SPOCK1: variants seen among roughly 807,000 people sequenced by gnomAD.
The protein encoded by SPOCK1 is testican-1.
SPOCK1 carries 23 observed loss-of-function variants against 55.3 expected under a neutral mutation model. The observed-to-expected ratio is 0.42, with a 90% confidence interval of 0.30 to 0.59. The LOEUF is 0.59. Among genes scored for constraint, SPOCK1 ranks in the 20% least tolerant of loss-of-function variants. SPOCK1 has a pLI of 0.22. For missense variants in SPOCK1, 499 were observed against 552.5 expected, an observed-to-expected ratio of 0.90 and a Z score of 0.97; for synonymous variants, 226 against 221.0, an observed-to-expected ratio of 1.02 and a Z score of -0.20.
chr5:137,226,747 T>C lies in SPOCK1; in HGVS notation c.232+40263A>G, dbSNP rs146312410. On this transcript the variant is annotated intron_variant, in intron 3 of 10. Coordinates refer to ENST00000394945, the MANE Select transcript of SPOCK1 (RefSeq NM_004598.4). ...TGCGTGGAAGATGGCCCTCCCCTGC[T>C]TTCTCTAGATGTTTAATTTCTACTT... is the stretch of plus-strand genomic sequence containing the variant. Among the ~76,000 whole-genome samples the C allele has an allele frequency of 5.1e-3, 781 of 152,330 alleles. 9 individuals are homozygous for C. The highest frequency in any genetic ancestry group is 0.017 in the African/African-American group (715 of 41,566).
intron 4 of SPOCK1, among the ~76,000 whole-genome samples, chr5:137,132,923 T>A (rs1227886517): frequency 6.6e-6 from 1 of 151,936 alleles, no homozygotes; most frequent in East Asian, 1.9e-4. Context: ...GAGGTAGGAG[T>A]CTCACTGGTT....
intron 6 of SPOCK1, among the ~76,000 whole-genome samples, chr5:137,016,604 G>A (rs962927552): frequency 2.6e-5 from 4 of 152,198 alleles, no homozygotes; most frequent in African/African-American, 7.2e-5. Flanking sequence ...ACCAACTGGT[G>A]TCTAACAGTG....
At chr5:137,119,674 G>A (rs767025641) in intron 4 of SPOCK1, among the ~76,000 whole-genome samples, 2 of 152,228 alleles carry the variant, frequency 1.3e-5, no homozygotes, top group Admixed American at 1.3e-4. Flanking sequence ...GCCTGAGGGT[G>A]TCCCAAGCAC....
intron 6 of SPOCK1, among the ~76,000 whole-genome samples, chr5:137,027,982 T>G (rs1282310295): frequency 6.6e-6 from 1 of 152,154 alleles, no homozygotes; most frequent in African/African-American, 2.4e-5. Flanking sequence ...ACCCCCAAAC[T>G]GCTGTGCCCT....
intron 2 of SPOCK1, among the ~76,000 whole-genome samples, chr5:137,401,536 A>T (rs1020260319): frequency 7.0e-6 from 1 of 143,584 alleles, no homozygotes; most frequent in South Asian, 2.4e-4. Context: ...AGCCTGGGCA[A>T]TATAGCAAGA....
chr5:137,430,877 G>C (rs1752729621), intron 2 of SPOCK1, among the ~76,000 whole-genome samples: 5 of 152,172 alleles, frequency 3.3e-5, no homozygotes, highest in African/African-American at 1.2e-4. Context: ...CCATCCACTT[G>C]CCTTCTTTAC....
intron 6 of SPOCK1, among the ~76,000 whole-genome samples, chr5:137,066,637 T>A (rs1477071407): frequency 3.3e-5 from 5 of 152,212 alleles, no homozygotes; most frequent in African/African-American, 1.2e-4. Flanking sequence ...TTAGTTAACT[T>A]TTCTTACTGC....
At chr5:137,120,948 A>G (rs1331606578) in intron 4 of SPOCK1, among the ~76,000 whole-genome samples, 1 of 152,246 alleles carries the variant, frequency 6.6e-6, no homozygotes, top group African/African-American at 2.4e-5. Context: ...CCAGTCCTCA[A>G]AAGTTCAGTG....
chr5:136,980,445 A>T (rs1355352700), intron 9 of SPOCK1, among the ~76,000 whole-genome samples: 2 of 152,226 alleles, frequency 1.3e-5, no homozygotes, highest in Admixed American at 1.3e-4. Context: ...CTTGAATTGT[A>T]GCTCTCATAA....
At chr5:137,362,500 C>T (rs1438894109) in intron 2 of SPOCK1, among the ~76,000 whole-genome samples, 1 of 150,146 alleles carries the variant, frequency 6.7e-6, no homozygotes, top group Non-Finnish European at 1.5e-5. Flanking sequence ...CGGCTAATTT[C>T]TTTTTTTTTA....
At chr5:137,264,187 G>C (rs1444728823) in intron 3 of SPOCK1, among the ~76,000 whole-genome samples, 1 of 152,000 alleles carries the variant, frequency 6.6e-6, no homozygotes, top group Non-Finnish European at 1.5e-5. Context: ...CCATGAAGAA[G>C]TTACCCAAGA....
chr5:137,381,377 G>A (rs913607780), intron 2 of SPOCK1, among the ~76,000 whole-genome samples: 9 of 152,248 alleles, frequency 5.9e-5, no homozygotes, highest in Admixed American at 2.6e-4. Context: ...ACTAGGCAGC[G>A]CCCCAGTGGG....
At chr5:137,187,915 T>C (rs1755106033) in intron 3 of SPOCK1, among the ~76,000 whole-genome samples, 1 of 152,236 alleles carries the variant, frequency 6.6e-6, no homozygotes, top group Non-Finnish European at 1.5e-5. Flanking sequence ...GATAGCCAAG[T>C]AATTAGTTAG....
At chr5:137,395,572 G>T (rs893440453) in intron 2 of SPOCK1, among the ~76,000 whole-genome samples, 1 of 152,198 alleles carries the variant, frequency 6.6e-6, no homozygotes, top group Non-Finnish European at 1.5e-5. Flanking sequence ...AACTGACTGT[G>T]TTTAATAACT....
At chr5:137,460,810 T>G (rs1753473619) in intron 2 of SPOCK1, among the ~76,000 whole-genome samples, 1 of 152,150 alleles carries the variant, frequency 6.6e-6, no homozygotes, top group African/African-American at 2.4e-5. Context: ...CCACACATCC[T>G]TCTTTTATTC....
At chr5:137,345,795 A>T (rs530879578) in intron 2 of SPOCK1, among the ~76,000 whole-genome samples, 8 of 152,174 alleles carry the variant, frequency 5.3e-5, no homozygotes, top group African/African-American at 1.7e-4. Context: ...TACTTACAGC[A>T]TGATGCCCTC....
At chr5:137,392,468 C>A (rs1751746370) in intron 2 of SPOCK1, among the ~76,000 whole-genome samples, 1 of 152,198 alleles carries the variant, frequency 6.6e-6, no homozygotes, top group African/African-American at 2.4e-5. Flanking sequence ...CAAGTCTTAG[C>A]AAATCTCACT....
intron 5 of SPOCK1, among the ~76,000 whole-genome samples, chr5:137,087,898 A>G (rs1752987860): frequency 6.6e-6 from 1 of 152,176 alleles, no homozygotes; most frequent in Non-Finnish European, 1.5e-5. Flanking sequence ...GGAGCCTCCC[A>G]CCCAGGATTT....
At chr5:137,297,954 A>G (rs1453293498) in intron 2 of SPOCK1, among the ~76,000 whole-genome samples, 2 of 152,198 alleles carry the variant, frequency 1.3e-5, no homozygotes, top group Admixed American at 1.3e-4. Flanking sequence ...CCATACAAAC[A>G]TGATTCAAAG....
Sources: gnomAD v4.1 joint callset for allele counts (sites outside exome capture counted in the v4.1 genomes callset) on GRCh38, gnomAD v4.1.1 for gene constraint, MANE v1.5 for transcripts, NCBI Gene and HGNC (gene_info 2026-07-23, HGNC 2026-07-21) for gene names.